CCNYL1: variants seen among roughly 807,000 people sequenced by gnomAD.
CCNYL1 encodes the protein cyclin Y like 1, also known as cyclin-Y-like protein 1.
A neutral mutation model predicts 44.2 loss-of-function variants in CCNYL1; 16 were observed. That is an observed-to-expected ratio of 0.36 (90% CI 0.25 to 0.55). CCNYL1 has a LOEUF of 0.55. CCNYL1 is among the 20% of genes least tolerant of loss of function. The probability of loss-of-function intolerance (pLI) is 0.85; values close to 1 mark genes in which losing one functional copy is unlikely to be tolerated. For synonymous variants in CCNYL1, 159 were observed against 163.2 expected (o/e 0.97, Z 0.20); for missense variants, 348 against 451.8 (o/e 0.77, Z 2.08).
At chr2:207,714,537 T>A in intron 1 of CCNYL1, 1 of 277,358 alleles carries the variant, frequency 3.6e-6, no homozygotes, top group South Asian at 3.3e-5. Flanking sequence ...AATATACCCA[T>A]CAAATAAACA....
intron 7 of CCNYL1, among the ~76,000 whole-genome samples, chr2:207,746,824 A>C (rs966257465): frequency 2.0e-5 from 3 of 152,138 alleles, no homozygotes; most frequent in South Asian, 4.1e-4. Context: ...GAAAATACAA[A>C]AATTAGCTGG....
At chr2:207,752,186 G>A (rs1343022992) in intron 9 of CCNYL1, among the ~76,000 whole-genome samples, 1 of 152,120 alleles carries the variant, frequency 6.6e-6, no homozygotes, top group South Asian at 2.1e-4. Flanking sequence ...TTTAGACAAA[G>A]GATTAGTGGA....
At chr2:207,720,149 C>T (rs550854807) in intron 1 of CCNYL1, among the ~76,000 whole-genome samples, 5 of 132,936 alleles carry the variant, frequency 3.8e-5, no homozygotes, top group Admixed American at 2.6e-4. Context: ...GATCATGCCA[C>T]TGCACTCCAG....
intron 7 of CCNYL1, among the ~76,000 whole-genome samples, chr2:207,745,194 A>AG (rs1039266700): frequency 2.0e-5 from 3 of 152,052 alleles, no homozygotes; most frequent in African/African-American, 7.2e-5. Context: ...AGTTGTGGGG[A>AG]GGGGGATGGG....
chr2:207,750,465 T>C (rs2091883515), intron 8 of CCNYL1, among the ~76,000 whole-genome samples: 1 of 152,180 alleles, frequency 6.6e-6, no homozygotes, highest in East Asian at 1.9e-4. Flanking sequence ...TCAGAGATAA[T>C]AGCAGTGGCT....
chr2:207,724,938 G>T, intron 2 of CCNYL1, 64 bp downstream of exon 2: 1 of 1,281,226 alleles, frequency 7.8e-7, no homozygotes, highest in Non-Finnish European at 1.1e-6. Context: ...TTTATTGGAT[G>T]TATTATAGAA....
chr2:207,727,904 A>G (rs1015594153), intron 3 of CCNYL1, among the ~76,000 whole-genome samples: 6 of 151,628 alleles, frequency 4.0e-5, no homozygotes, highest in Admixed American at 3.9e-4. Flanking sequence ...GGGCCCATAG[A>G]CAGACATATT....
At chr2:207,744,370 T>G (rs1201222686) in intron 7 of CCNYL1, among the ~76,000 whole-genome samples, 1 of 151,794 alleles carries the variant, frequency 6.6e-6, no homozygotes, top group Non-Finnish European at 1.5e-5. Flanking sequence ...TTGTTTTGTT[T>G]TGTTTTGTTT....
intron 1 of CCNYL1, among the ~76,000 whole-genome samples, chr2:207,712,524 A>C (rs888366872): frequency 6.6e-6 from 1 of 152,120 alleles, no homozygotes; most frequent in Non-Finnish European, 1.5e-5. Context: ...ACCCATCCAG[A>C]TGGTACCTAA....
chr2:207,739,950 TA>T (rs969183790), intron 5 of CCNYL1, among the ~76,000 whole-genome samples: 2 of 152,182 alleles, frequency 1.3e-5, no homozygotes, highest in African/African-American at 4.8e-5. Flanking sequence ...TCTTTTTTTT[TA>T]AATTATTTTT....
At chr2:207,734,082 A>C in intron 4 of CCNYL1, 35 bp downstream of exon 4, 1 of 1,349,380 alleles carries the variant, frequency 7.4e-7, no homozygotes, top group Non-Finnish European at 1.1e-6. Context: ...GCTGAGTGAC[A>C]GACCCCCTTA....
chr2:207,731,794 G>C (rs1344224624), intron 3 of CCNYL1, among the ~76,000 whole-genome samples: 1 of 144,454 alleles, frequency 6.9e-6, no homozygotes, highest in African/African-American at 2.5e-5. Context: ...TTGATTAGCA[G>C]AGAGGTTTCT....
At chr2:207,739,403 T>C (rs1460551852) in intron 5 of CCNYL1, among the ~76,000 whole-genome samples, 1 of 152,064 alleles carries the variant, frequency 6.6e-6, no homozygotes. Context: ...TGGCTAATTT[T>C]TGTATTAGTA....
At position 207,756,103 on chromosome 2, in the gene CCNYL1, A is replaced by G. The variant is rs1051026147; in HGVS notation, c.*2405A>G. On this transcript the variant is annotated 3_prime_UTR_variant, in exon 10 of 10. Coordinates refer to ENST00000295414, the MANE Select transcript of CCNYL1 (RefSeq NM_001330218.2). ...TTGATTGCAGTTTTATTTTGAAAAGAATGCTACAATTTATGTGGTTTTTAT... is the reference window on the plus strand; with the variant it reads ...TTGATTGCAGTTTTATTTTGAAAAGGATGCTACAATTTATGTGGTTTTTAT... 4 of 152,242 alleles carry G rather than the reference A, an allele frequency of 2.6e-5. No homozygotes were observed. The highest frequency in any genetic ancestry group is 7.2e-5 in the African/African-American group (3 of 41,470). 9.4% of individuals were successfully genotyped at this position (152,242 alleles called of 1,614,324 possible).
chr2:207,744,509 C>T (rs2105838170), intron 7 of CCNYL1, among the ~76,000 whole-genome samples: 1 of 151,682 alleles, frequency 6.6e-6, no homozygotes, highest in Admixed American at 6.6e-5. Context: ...CTGGGCTTAC[C>T]AGTGCCCGTC....
chr2:207,750,435 G>T (rs1281939640), intron 8 of CCNYL1, among the ~76,000 whole-genome samples: 2 of 152,078 alleles, frequency 1.3e-5, no homozygotes, highest in Non-Finnish European at 2.9e-5. Flanking sequence ...AATCCTTGTT[G>T]CCTCAAGAGT....
At chr2:207,718,039 G>T (rs1034418237) in intron 1 of CCNYL1, among the ~76,000 whole-genome samples, 1 of 151,328 alleles carries the variant, frequency 6.6e-6, no homozygotes, top group African/African-American at 2.4e-5. Context: ...CGAGTAGCTG[G>T]GGCTACAAGC....
intron 2 of CCNYL1, 60 bp downstream of exon 2, chr2:207,724,934 G>A (rs937246120): frequency 7.1e-5 from 93 of 1,316,518 alleles, no homozygotes; most frequent in Non-Finnish European, 9.9e-5. Context: ...CTATTTTATT[G>A]GATGTATTAT....
chr2:207,731,785 T>C (rs1294739439), intron 3 of CCNYL1, among the ~76,000 whole-genome samples: 3 of 150,812 alleles, frequency 2.0e-5, no homozygotes, highest in African/African-American at 7.3e-5. Flanking sequence ...TGCTATATAT[T>C]GATTAGCAGA....
Sources: gnomAD v4.1 joint callset for allele counts (sites outside exome capture counted in the v4.1 genomes callset) on GRCh38, gnomAD v4.1.1 for gene constraint, MANE v1.5 for transcripts, NCBI Gene and HGNC (gene_info 2026-07-23, HGNC 2026-07-21) for gene names.